The following PTBP3 variants were observed in gnomAD, a reference collection of about 807,000 sequenced individuals.
The protein encoded by PTBP3 is polypyrimidine tract binding protein 3.
A neutral mutation model predicts 58.7 loss-of-function variants in PTBP3; 20 were observed. That is an observed-to-expected ratio of 0.34 (90% CI 0.24 to 0.50). The LOEUF (loss-of-function observed/expected upper bound fraction) is 0.50. Ranked by LOEUF, PTBP3 falls within the 20% of genes least tolerant of loss-of-function variation. PTBP3 has a pLI of 0.98. For synonymous variants in PTBP3, 185 were observed against 219.8 expected (o/e 0.84, Z 1.40); for missense variants, 509 against 637.2 (o/e 0.80, Z 2.17).
At chr9:112,288,650 C>T (rs999396450) in intron 2 of PTBP3, among the ~76,000 whole-genome samples, 2 of 152,220 alleles carry the variant, frequency 1.3e-5, no homozygotes, top group African/African-American at 2.4e-5. Context: ...GTCCCAGTTA[C>T]TCTATCATGG....
chr9:112,308,487 A>G (rs748068134), intron 1 of PTBP3, among the ~76,000 whole-genome samples: 1 of 152,130 alleles, frequency 6.6e-6, no homozygotes, highest in Non-Finnish European at 1.5e-5. Context: ...ATTATACTTA[A>G]TATTTATATC....
chr9:112,284,242 GGTACTCAACA>G (rs1828006077), intron 2 of PTBP3, among the ~76,000 whole-genome samples: 1 of 151,338 alleles, frequency 6.6e-6, no homozygotes. Flanking sequence ...AAAAGCCACA[GGTACTCAACA>G]CCAGCTGCTG....
chr9:112,321,400 G>A (rs530677568), intron 1 of PTBP3, among the ~76,000 whole-genome samples: 21 of 151,812 alleles, frequency 1.4e-4, no homozygotes, highest in African/African-American at 4.6e-4. Flanking sequence ...ATGGTGGCAC[G>A]CACCTGTAAT....
In PTBP3 at chr9:112,241,754, T is replaced by C. The variant is rs370451979; in HGVS notation, c.803-6857A>G. 1.3e-3 allele frequency among the ~76,000 whole-genome samples: 193 copies of C among 152,340 alleles called. 6 individuals carry two copies. In the South Asian group the frequency reaches 0.038, roughly 30 times the overall value. On this transcript the variant is annotated intron_variant, in intron 7 of 13. Coordinates refer to ENST00000374257, the MANE Select transcript of PTBP3 (RefSeq NM_001163788.4). Reference sequence around the variant, plus strand: ...TGTGAAATTATCATCACAATCAAGATAACAAATATTCCCATCATTCCTGAA... The same window carrying C: ...TGTGAAATTATCATCACAATCAAGACAACAAATATTCCCATCATTCCTGAA...
chr9:112,224,647 C>T (rs879785832), intron 12 of PTBP3, among the ~76,000 whole-genome samples: 1 of 152,148 alleles, frequency 6.6e-6, no homozygotes, highest in South Asian at 2.1e-4. Context: ...GGCTGTCAGC[C>T]TCTAAGGTGG....
At chr9:112,266,507 C>T (rs947622245) in intron 4 of PTBP3, among the ~76,000 whole-genome samples, 3 of 152,038 alleles carry the variant, frequency 2.0e-5, no homozygotes, top group Non-Finnish European at 2.9e-5. Context: ...CATTGGAATA[C>T]ACATTGTCTT....
chr9:112,249,975 T>C (rs978793311), intron 7 of PTBP3, among the ~76,000 whole-genome samples: 1 of 152,136 alleles, frequency 6.6e-6, no homozygotes. Flanking sequence ...ACAGACATTT[T>C]ATCAATATTA....
intron 8 of PTBP3, 109 bp from the exon 9 acceptor site, chr9:112,232,347 G>A (rs923684428): frequency 2.4e-5 from 28 of 1,155,126 alleles, no homozygotes; most frequent in South Asian, 2.2e-4. Context: ...AAGAAAATGT[G>A]TCAAGGCTAC....
the PTBP3 span, among the ~76,000 whole-genome samples, chr9:112,347,481 A>G: frequency 3.3e-5 from 5 of 151,744 alleles, no homozygotes; most frequent in Non-Finnish European, 4.4e-5. Flanking sequence ...AGCTGGGACT[A>G]CAGGCATGTG....
chr9:112,327,112 G>A (rs1430865982), intron 1 of PTBP3, among the ~76,000 whole-genome samples: 1 of 151,898 alleles, frequency 6.6e-6, no homozygotes, highest in Non-Finnish European at 1.5e-5. Context: ...GCTGAGGTAG[G>A]AGGATCACTT....
chr9:112,363,516 TCACACACACACACA>T, the PTBP3 span, among the ~76,000 whole-genome samples: 20 of 134,864 alleles, frequency 1.5e-4, no homozygotes, highest in East Asian at 8.8e-4. Flanking sequence ...AGCAAAACTG[TCACACACACACACA>T]CACACACACA....
the PTBP3 span, among the ~76,000 whole-genome samples, chr9:112,368,393 A>ACTC: frequency 6.6e-6 from 1 of 151,924 alleles, no homozygotes; most frequent in Non-Finnish European, 1.5e-5. Flanking sequence ...TTGGTCTCGA[A>ACTC]CTCCTGACCT....
chr9:112,320,287 A>ATAT (rs1222194244), intron 1 of PTBP3, among the ~76,000 whole-genome samples: 1 of 39,526 alleles, frequency 2.5e-5, no homozygotes, highest in African/African-American at 2.7e-4. Context: ...CTTAAAAAAA[A>ATAT]AAAAATATAT....
chr9:112,353,774 G>A, the PTBP3 span, among the ~76,000 whole-genome samples: 3 of 151,718 alleles, frequency 2.0e-5, no homozygotes. Context: ...TGGCCAACAT[G>A]GTGAAACCCC....
At chr9:112,330,566 CATT>C (rs1830329658) in intron 1 of PTBP3, 1 of 779,814 alleles carries the variant, frequency 1.3e-6, no homozygotes, top group South Asian at 1.8e-5. Context: ...GGGGAAAAAG[CATT>C]ATAATAACAA....
intron 5 of PTBP3, among the ~76,000 whole-genome samples, chr9:112,255,297 T>C (rs1836299135): frequency 6.6e-6 from 1 of 152,176 alleles, no homozygotes; most frequent in Admixed American, 6.5e-5. Context: ...TATTTGGTGA[T>C]GGTTGAAAAA....
At chr9:112,311,621 C>T (rs953963157) in intron 1 of PTBP3, among the ~76,000 whole-genome samples, 3 of 151,956 alleles carry the variant, frequency 2.0e-5, no homozygotes, top group Admixed American at 6.6e-5. Flanking sequence ...GGATTTTGGC[C>T]CCCCCTAGAT....
chr9:112,239,818 G>GAA (rs1338786561), intron 7 of PTBP3, among the ~76,000 whole-genome samples: 17 of 73,682 alleles, frequency 2.3e-4, no homozygotes, highest in Middle Eastern at 5.2e-3. Flanking sequence ...AGGAAGGAAG[G>GAA]GAGGAAGGGA....
rs758454888 is a variant in PTBP3, at chr9:112,333,522, C to T, written c.-104G>A. 6.3e-7 allele frequency: 1 copy of T among 1,579,894 alleles called. No homozygotes were observed. Among genetic ancestry groups the T allele is most frequent in the South Asian group, 1.1e-5 (1 of 87,734 alleles). ...ACAGAGCAGGGACTGACGGGCTAAC[C>T]GCGAGCAGAGGAAGCAGGCGGCGGC... On this transcript the variant is annotated 5_prime_UTR_variant, in exon 1 of 14. Transcript: ENST00000374257.
Sources: gnomAD v4.1 joint callset for allele counts (sites outside exome capture counted in the v4.1 genomes callset) on GRCh38, gnomAD v4.1.1 for gene constraint, MANE v1.5 for transcripts, NCBI Gene and HGNC (gene_info 2026-07-23, HGNC 2026-07-21) for gene names.